RAB27B: variants seen among roughly 807,000 people sequenced by gnomAD.
RAB27B encodes the protein RAB27B, member RAS oncogene family.
Under a neutral mutation model 24.6 loss-of-function variants are expected in RAB27B, and 15 were observed. The ratio of observed to expected loss-of-function variants is 0.61; its 90% CI spans 0.41 to 0.94. RAB27B has a LOEUF of 0.94. Ranked by LOEUF, RAB27B falls within the 40% of genes least tolerant of loss-of-function variation. The pLI is 0.00. For synonymous variants in RAB27B, 105 were observed against 92.5 expected (o/e 1.14, Z -0.78); for missense variants, 261 against 266.8 (o/e 0.98, Z 0.15).
chr18:54,808,559 CAT>C (rs1382908920), intron 2 of RAB27B, among the ~76,000 whole-genome samples: 1 of 152,154 alleles, frequency 6.6e-6, no homozygotes, highest in East Asian at 1.9e-4. Flanking sequence ...ATAAAGATGA[CAT>C]GTGTCAACTT....
intron 2 of RAB27B, among the ~76,000 whole-genome samples, chr18:54,776,582 G>A (rs975042110): frequency 6.6e-6 from 1 of 152,164 alleles, no homozygotes; most frequent in Non-Finnish European, 1.5e-5. Flanking sequence ...GATTCTAGTG[G>A]GTGCTGCCAT....
Position 54,892,258 on chromosome 18 carries a change from G to A in RAB27B, c.*2845G>A, listed in dbSNP as rs1482645323. 1 of 152,032 alleles carries A rather than the reference G, an allele frequency of 6.6e-6. No homozygotes were observed. The highest frequency in any genetic ancestry group is 2.4e-5 in the African/African-American group (1 of 41,420). 9.4% of individuals were successfully genotyped at this position (152,032 alleles called of 1,614,324 possible). On this transcript the variant is annotated 3_prime_UTR_variant, in exon 6 of 6. Coordinates refer to ENST00000262094, the MANE Select transcript of RAB27B (RefSeq NM_004163.4). ...TCTGGAGTATTTACACTGGTTTGAT[G>A]TTTACATTGCTCTAACTCGGTGCCT...
At chr18:54,882,552 T>C (rs547532336) in intron 3 of RAB27B, among the ~76,000 whole-genome samples, 7 of 152,318 alleles carry the variant, frequency 4.6e-5, no homozygotes, top group African/African-American at 1.7e-4. Flanking sequence ...GGAAGTGTTA[T>C]TTCCTCTGAT....
intron 1 of RAB27B, among the ~76,000 whole-genome samples, chr18:54,866,487 G>A (rs1436757787): frequency 2.0e-5 from 3 of 152,180 alleles, no homozygotes; most frequent in African/African-American, 4.8e-5. Flanking sequence ...CAGTAGAGAC[G>A]GGGTTTCACC....
chr18:54,878,487 G>A (rs1274110495), intron 2 of RAB27B, among the ~76,000 whole-genome samples: 1 of 152,082 alleles, frequency 6.6e-6, no homozygotes, highest in Non-Finnish European at 1.5e-5. Context: ...CAAAAGAAAT[G>A]GTAACTGGAA....
At chr18:54,794,578 T>A (rs193064136) in intron 2 of RAB27B, among the ~76,000 whole-genome samples, 1 of 152,254 alleles carries the variant, frequency 6.6e-6, no homozygotes, top group Non-Finnish European at 1.5e-5. Flanking sequence ...CACATACTGA[T>A]GTGTGTATTT....
intron 2 of RAB27B, among the ~76,000 whole-genome samples, chr18:54,810,875 A>AATAC (rs1484886911): frequency 6.7e-6 from 1 of 149,934 alleles, no homozygotes; most frequent in African/African-American, 2.4e-5. Context: ...TAAATAAATA[A>AATAC]ATAAATAAGA....
At chr18:54,725,713 A>G (rs1029639596) in intron 2 of RAB27B, among the ~76,000 whole-genome samples, 3 of 151,426 alleles carry the variant, frequency 2.0e-5, no homozygotes, top group Non-Finnish European at 3.0e-5. Flanking sequence ...ATATCGTGAG[A>G]ACTAACTCAC....
chr18:54,823,832 A>G (rs1049581831), upstream of RAB27B, among the ~76,000 whole-genome samples: 1 of 152,182 alleles, frequency 6.6e-6, no homozygotes, highest in African/African-American at 2.4e-5. Context: ...TTTTAAGGGT[A>G]ATTTAAAATT....
intron 1 of RAB27B, among the ~76,000 whole-genome samples, chr18:54,830,502 G>A (rs112469685): frequency 0.033 from 5,029 of 152,238 alleles, 136 homozygotes; most frequent in Admixed American, 0.077. Flanking sequence ...GCAAGTAATT[G>A]TAATGTTGAG....
chr18:54,800,671 G>T (rs1909572826), intron 2 of RAB27B, among the ~76,000 whole-genome samples: 1 of 152,100 alleles, frequency 6.6e-6, no homozygotes, highest in South Asian at 2.1e-4. Context: ...ATAGATTACA[G>T]ATATTAAGAC....
At chr18:54,769,447 T>TC (rs1260579259) in intron 2 of RAB27B, among the ~76,000 whole-genome samples, 6 of 104,120 alleles carry the variant, frequency 5.8e-5, no homozygotes, top group Non-Finnish European at 1.5e-4. Flanking sequence ...TTTGTCCATC[T>TC]TGTTTTTTTG....
chr18:54,872,496 A>G (rs1912512840), intron 1 of RAB27B, among the ~76,000 whole-genome samples: 1 of 151,778 alleles, frequency 6.6e-6, no homozygotes, highest in African/African-American at 2.4e-5. Flanking sequence ...ATGGTGGTGC[A>G]TGCCTGTAAT....
intron 2 of RAB27B, among the ~76,000 whole-genome samples, chr18:54,811,145 A>T (rs899556980): frequency 3.9e-5 from 6 of 152,094 alleles, no homozygotes; most frequent in African/African-American, 1.4e-4. Context: ...CTCTTGAGAA[A>T]TAAGTTTCCT....
At chr18:54,813,085 T>A (rs1004628143) in intron 2 of RAB27B, among the ~76,000 whole-genome samples, 14 of 152,208 alleles carry the variant, frequency 9.2e-5, no homozygotes, top group Non-Finnish European at 1.9e-4. Flanking sequence ...GTGGCTTTTC[T>A]CTGAGGTTCT....
At chr18:54,804,455 C>T (rs1909705545) in intron 2 of RAB27B, among the ~76,000 whole-genome samples, 1 of 152,186 alleles carries the variant, frequency 6.6e-6, no homozygotes, top group Admixed American at 6.5e-5. Flanking sequence ...GTTAGAAGTG[C>T]CTTTTGCCTC....
intron 2 of RAB27B, among the ~76,000 whole-genome samples, chr18:54,807,274 T>A (rs1004785793): frequency 6.6e-6 from 1 of 152,208 alleles, no homozygotes; most frequent in Non-Finnish European, 1.5e-5. Flanking sequence ...AATTTCAGTA[T>A]TTTTTCCTGC....
chr18:54,747,806 G>A (rs112541546), intron 2 of RAB27B, among the ~76,000 whole-genome samples: 2 of 152,152 alleles, frequency 1.3e-5, no homozygotes, highest in Non-Finnish European at 1.5e-5. Context: ...TGTGCATAAA[G>A]ACTTTATTAA....
intron 2 of RAB27B, among the ~76,000 whole-genome samples, chr18:54,746,352 T>C (rs1049222809): frequency 1.2e-4 from 19 of 152,178 alleles, no homozygotes; most frequent in African/African-American, 4.3e-4. Flanking sequence ...TTACTGCTAT[T>C]GGGAGGATTT....
Sources: allele counts gnomAD v4.1 joint callset (sites outside exome capture counted in the v4.1 genomes callset), GRCh38; gene constraint gnomAD v4.1.1; transcripts MANE v1.5; gene names NCBI Gene and HGNC (gene_info 2026-07-23, HGNC 2026-07-21).